Variants in STRN3 observed in about 807,000 individuals in gnomAD.
STRN3 encodes the protein striatin-3.
In STRN3, 29 loss-of-function variants were observed where a neutral mutation model predicts 95.6. The observed-to-expected ratio is 0.30, with a 90% CI of 0.23 to 0.41. The LOEUF is 0.41. STRN3 is among the 10% of genes least tolerant of loss of function. The pLI is 1.00. For missense variants in STRN3, 890 were observed against 972.1 expected (o/e 0.92, Z 1.12); for synonymous variants, 331 against 357.6 (o/e 0.93, Z 0.84).
At chr14:31,018,826 A>G in intron 1 of STRN3, 1 of 389,408 alleles carries the variant, frequency 2.6e-6, no homozygotes, top group Non-Finnish European at 4.9e-6. Flanking sequence ...CACTAATAGA[A>G]TAAAAGAAAA....
rs1206524779 is a variant in STRN3, at chr14:30,912,136, T to A, written c.1421A>T (p.Tyr474Phe). 17 of 1,613,374 alleles carry A rather than the reference T, an allele frequency of 1.1e-5. No individual in the cohort carries two copies. The highest frequency in any genetic ancestry group is 1.4e-5 in the Non-Finnish European group (16 of 1,179,912). The change falls in exon 11 of 18, where the codon TAT becomes TTT. Residue 474 changes from tyrosine (Y) to phenylalanine (F), a missense_variant. Tyr to Phe is a conservative substitution (Grantham distance 22, BLOSUM62 3). This residue lies in a region of STRN3 where 357 missense variants were observed against 422.8 expected (regional missense o/e 0.84). Transcript: ENST00000357479. ...DAFRKTWNPK[Y>F]TLRSHFDGVR... Reference sequence around the variant, plus strand: ...TCCATCAAAATGGCTACGTAGTGTATACTTGGGATTCCATGTCTTTCGAAA... The same window carrying A: ...TCCATCAAAATGGCTACGTAGTGTAAACTTGGGATTCCATGTCTTTCGAAA...
chr14:30,988,272 A>T (rs1403990709), intron 1 of STRN3, among the ~76,000 whole-genome samples: 1 of 152,168 alleles, frequency 6.6e-6, no homozygotes, highest in Non-Finnish European at 1.5e-5. Flanking sequence ...CTCATAAGCA[A>T]ATCCTAAAAG....
chr14:30,967,772 T>C (rs1594512958), intron 1 of STRN3, among the ~76,000 whole-genome samples: 2 of 152,216 alleles, frequency 1.3e-5, no homozygotes, highest in East Asian at 3.8e-4. Context: ...GGCTATTCTG[T>C]TAGAAAAAGA....
rs1000374828 is a variant in STRN3 at position 30,960,979 on chromosome 14, C to T, written c.283-4737G>A. On this transcript the variant is annotated intron_variant, in intron 1 of 17. Coordinates refer to ENST00000357479, the MANE Select transcript of STRN3 (RefSeq NM_001083893.2). ...GGAGGATTACAGATCTAAATATGAACGCAGGACAGTAATGCTTTTAGGATA... is the reference window on the plus strand; with the variant it reads ...GGAGGATTACAGATCTAAATATGAATGCAGGACAGTAATGCTTTTAGGATA... Among the ~76,000 whole-genome samples, 10 of 151,168 alleles carry T rather than the reference C, an allele frequency of 6.6e-5. No individual in the cohort carries two copies. The South Asian group carries it at 8.4e-4, about 13-fold the overall frequency.
chr14:31,014,488 G>A (rs1883144229), intron 1 of STRN3, among the ~76,000 whole-genome samples: 1 of 152,138 alleles, frequency 6.6e-6, no homozygotes, highest in South Asian at 2.1e-4. Flanking sequence ...CAAAAGTGCT[G>A]GGATTACAGG....
intron 7 of STRN3, among the ~76,000 whole-genome samples, chr14:30,930,654 T>C (rs1878486229): frequency 6.6e-6 from 1 of 152,166 alleles, no homozygotes; most frequent in South Asian, 2.1e-4. Flanking sequence ...AGATTATCTA[T>C]CTGTCAAATC....
intron 1 of STRN3, among the ~76,000 whole-genome samples, chr14:30,998,650 T>C (rs758810338): frequency 6.6e-6 from 1 of 152,246 alleles, no homozygotes; most frequent in Non-Finnish European, 1.5e-5. Context: ...AAATCTCTGC[T>C]CATTCAATAG....
At chr14:30,929,967 A>AAAAAAAAAAAAACAAAAAACAAAAAAAC (rs1555317337) in intron 7 of STRN3, among the ~76,000 whole-genome samples, 59 of 91,182 alleles carry the variant, frequency 6.5e-4, no homozygotes, top group African/African-American at 2.1e-3. Context: ...AAAAAAAAAA[A>AAAAAAAAAAAAACAAAAAACAAAAAAAC]AAAAAAAAAA....
intron 1 of STRN3, among the ~76,000 whole-genome samples, chr14:31,011,371 G>A (rs1470723659): frequency 6.6e-6 from 1 of 152,066 alleles, no homozygotes; most frequent in African/African-American, 2.4e-5. Flanking sequence ...TCTCAAACTG[G>A]GTATACATAC....
At chr14:30,940,181 C>G (rs1323131047) in intron 5 of STRN3, among the ~76,000 whole-genome samples, 1 of 152,124 alleles carries the variant, frequency 6.6e-6, no homozygotes, top group Non-Finnish European at 1.5e-5. Context: ...TTCCAGTGTT[C>G]TGTCCTCCTT....
intron 1 of STRN3, among the ~76,000 whole-genome samples, chr14:30,973,978 A>G (rs1270736485): frequency 6.6e-6 from 1 of 152,244 alleles, no homozygotes; most frequent in Non-Finnish European, 1.5e-5. Context: ...AATAAAAGCC[A>G]TATATGAAAA....
intron 8 of STRN3, among the ~76,000 whole-genome samples, chr14:30,928,664 C>T (rs990891914): frequency 5.9e-5 from 9 of 152,262 alleles, no homozygotes; most frequent in African/African-American, 2.2e-4. Flanking sequence ...CACTAACCTC[C>T]CACTTCTGGT....
chr14:30,991,274 TCA>T (rs1341032465), intron 1 of STRN3, among the ~76,000 whole-genome samples: 2 of 152,176 alleles, frequency 1.3e-5, no homozygotes, highest in Non-Finnish European at 2.9e-5. Flanking sequence ...CAACTCTGTA[TCA>T]CACAGAGTTC....
chr14:30,962,406 T>C (rs559139785), intron 1 of STRN3, among the ~76,000 whole-genome samples: 1 of 152,308 alleles, frequency 6.6e-6, no homozygotes, highest in South Asian at 2.1e-4. Context: ...ATACAGTGTT[T>C]ATACAATCTA....
Position 30,958,453 on chromosome 14 carries a change from TACTC to T in STRN3, c.283-2215_283-2212del, listed in dbSNP as rs1384574912. Among the ~76,000 whole-genome samples the T allele has an allele frequency of 4.6e-5, 7 of 152,342 alleles. No individual in the cohort carries two copies. The East Asian group carries it at 1.3e-3, about 29-fold the overall frequency. On this transcript the variant is annotated intron_variant, in intron 1 of 17. Transcript: ENST00000357479. ...TGATCCAGAAGAAAAGAGCAGCACT[TACTC>T]TCTATCAAGCTGTGGAGCAAAGGGA...
chr14:30,939,621 A>G (rs1457696570), intron 5 of STRN3, among the ~76,000 whole-genome samples: 3 of 152,138 alleles, frequency 2.0e-5, no homozygotes, highest in African/African-American at 4.8e-5. Flanking sequence ...GCTAGGAAAT[A>G]CTTAGGAGAA....
intron 1 of STRN3, among the ~76,000 whole-genome samples, chr14:30,961,469 C>A (rs1212473228): frequency 6.6e-6 from 1 of 152,166 alleles, no homozygotes; most frequent in Non-Finnish European, 1.5e-5. Context: ...GTCTAGAAGT[C>A]GTAGCTATTG....
intron 7 of STRN3, among the ~76,000 whole-genome samples, chr14:30,930,177 C>T (rs1279351837): frequency 2.6e-5 from 4 of 151,882 alleles, no homozygotes; most frequent in Admixed American, 2.6e-4. Flanking sequence ...AGAGGAAAAA[C>T]AGCACTAAAA....
intron 2 of STRN3, 82 bp from the exon 3 acceptor site, chr14:30,955,775 A>G (rs1879872928): frequency 6.5e-6 from 7 of 1,075,764 alleles, no homozygotes; most frequent in Non-Finnish European, 9.3e-6. Context: ...ATAACAAAAC[A>G]TAATATGAAT....
Sources: gnomAD v4.1 joint callset for allele counts (sites outside exome capture counted in the v4.1 genomes callset) on GRCh38, gnomAD v4.1.1 for gene constraint, gnomAD v4.1.1 regional missense constraint, MANE v1.5 for transcripts, NCBI Gene and HGNC (gene_info 2026-07-23, HGNC 2026-07-21) for gene names.